WASHC5: variants seen among roughly 807,000 people sequenced by gnomAD.
WASHC5 encodes the protein WASH complex subunit strumpellin.
In WASHC5, 101 loss-of-function variants were observed where a neutral mutation model predicts 150.4. The observed-to-expected ratio is 0.67, with a 90% CI of 0.57 to 0.79. The LOEUF (loss-of-function observed/expected upper bound fraction) is 0.79, where lower values mean the gene tolerates loss of function less well. WASHC5 is among the 30% of genes least tolerant of loss of function. WASHC5 has a pLI of 0.00. For missense variants in WASHC5, 1,195 were observed against 1,396.3 expected, an observed-to-expected ratio of 0.86 and a Z score of 2.30; for synonymous variants, 467 against 491.2, an observed-to-expected ratio of 0.95 and a Z score of 0.65.
intron 12 of WASHC5, among the ~76,000 whole-genome samples, 197 bp downstream of exon 12, chr8:125,060,885 T>A (rs1199128863): frequency 6.6e-6 from 1 of 152,226 alleles, no homozygotes; most frequent in Non-Finnish European, 1.5e-5. Flanking sequence ...TCGTAATTTT[T>A]GCTACCATTC....
chr8:125,041,798 A>AT (rs1815897944), intron 23 of WASHC5, among the ~76,000 whole-genome samples: 1 of 152,222 alleles, frequency 6.6e-6, no homozygotes, highest in Non-Finnish European at 1.5e-5. Context: ...AAAAACGTCA[A>AT]TCCAAAAATG....
intron 26 of WASHC5, among the ~76,000 whole-genome samples, chr8:125,035,323 T>A (rs1478060464): frequency 6.6e-6 from 1 of 152,124 alleles, no homozygotes; most frequent in Non-Finnish European, 1.5e-5. Flanking sequence ...TGCCAGGCCC[T>A]AATCATATAC....
chr8:125,073,285 G>A lies in WASHC5; in HGVS notation c.1018C>T (p.Gln340Ter), dbSNP rs1554596260. ...CCTTCTTTTAGAAATTGCTGCACTT[G>A]AGCATGCACTCTTTCACTGACAGTA... Reference protein sequence around the residue: ...YATVSERVHAQVQQFLKEGYL... With the variant: ...YATVSERVHA The change falls in exon 9 of 29, where the codon CAA becomes TAA. Residue 340 changes from glutamine to a stop codon, truncating the protein, a stop_gained. Transcript: ENST00000318410. LOFTEE classifies it high-confidence loss of function. 2 of 1,614,002 alleles carry A rather than the reference G, an allele frequency of 1.2e-6. No homozygotes were observed. Among genetic ancestry groups the A allele is most frequent in the Non-Finnish European group, 1.7e-6 (2 of 1,179,910 alleles).
chr8:125,044,084 C>T lies in WASHC5; in HGVS notation c.2678G>A (p.Ser893Asn). 6.2e-7 allele frequency: 1 copy of T among 1,608,854 alleles called. No individual in the cohort carries two copies. The highest frequency in any genetic ancestry group is 8.5e-7 in the Non-Finnish European group (1 of 1,175,352). ...MIVKELQNFL[S>N]MFQKIILRDR... ...TCTCAGGATAATTTTCTGAAACATA[C>T]TGAGGAAATTCTAAAAACAAGAAGG... is the stretch of plus-strand genomic sequence containing the variant. Residue 893 changes from serine (S) to asparagine (N), a missense_variant, in exon 22 of 29, where the codon AGT (serine) becomes AAT (asparagine). Around this residue, in one of 3 missense-constraint regions of WASHC5, gnomAD observed 997 missense variants for 1,168.1 expected, o/e 0.85. Transcript: ENST00000318410.
At chr8:125,083,058 T>C in intron 3 of WASHC5, 55 bp downstream of exon 3, 2 of 1,186,266 alleles carry the variant, frequency 1.7e-6, no homozygotes, top group Non-Finnish European at 2.5e-6. Flanking sequence ...CTATGTGTCC[T>C]TTTCCCTCTC....
In WASHC5 at chr8:125,059,491, C is replaced by A; in HGVS notation, c.1573G>T (p.Ala525Ser). ...ESNLQVCQFL[A>S]DTRKFLHQMI... ...TGATGAAGAAACTTTCGAGTATCGG[C>A]AAGAAACTGACATACTTGCAGATTG... Residue 525 changes from alanine (A) to serine (S), a missense_variant, in exon 13 of 29, where the codon GCC becomes TCC. By Grantham distance (99) the Ala-to-Ser change is moderately conservative (BLOSUM62 1). Coordinates refer to ENST00000318410, the MANE Select transcript of WASHC5 (RefSeq NM_014846.4). The A allele has an allele frequency of 6.2e-7, 1 of 1,613,838 alleles. No individual in the cohort carries two copies. Among genetic ancestry groups the A allele is most frequent in the African/African-American group, 1.3e-5 (1 of 75,006 alleles).
At chr8:125,030,637 T>TAAAAAAAAAA (rs71295816) in intron 27 of WASHC5, among the ~76,000 whole-genome samples, 1 of 52,788 alleles carries the variant, frequency 1.9e-5, no homozygotes, top group Non-Finnish European at 3.6e-5. Flanking sequence ...CTCTTTCTCA[T>TAAAAAAAAAA]AAAAAAAAAA....
At chr8:125,087,183 T>C (rs1817444492) in intron 1 of WASHC5, among the ~76,000 whole-genome samples, 1 of 152,240 alleles carries the variant, frequency 6.6e-6, no homozygotes. Flanking sequence ...GTTATTGTGA[T>C]ATTTCATTTT....
chr8:125,045,542 T>TC (rs1469874528), intron 20 of WASHC5, among the ~76,000 whole-genome samples: 1 of 152,188 alleles, frequency 6.6e-6, no homozygotes, highest in African/African-American at 2.4e-5. Context: ...ATTTAATAGT[T>TC]CTGGGGGAGA....
intron 2 of WASHC5, among the ~76,000 whole-genome samples, 185 bp from the exon 3 acceptor site, chr8:125,083,443 T>C (rs1349876806): frequency 1.3e-5 from 2 of 152,182 alleles, no homozygotes; most frequent in African/African-American, 4.8e-5. Flanking sequence ...TGAATTTGAA[T>C]TGGACCCAAG....
intron 20 of WASHC5, chr8:125,045,130 T>C (rs1816024029): frequency 4.8e-6 from 1 of 207,438 alleles, no homozygotes; most frequent in South Asian, 8.6e-5. Flanking sequence ...AATCTCCATA[T>C]GCTACCTAAC....
chr8:125,059,547 G>A lies in WASHC5; in HGVS notation c.1522-5C>T. The A allele has an allele frequency of 6.2e-7, 1 of 1,611,246 alleles. No individual in the cohort carries two copies. Among genetic ancestry groups the A allele is most frequent in the Non-Finnish European group, 8.5e-7 (1 of 1,177,892 alleles). ...CAACTGGTGGAATTCTTGAACCTGT[G>A]TTACAGAAATATACTTAATTTAAAA... On this transcript the variant is annotated splice_polypyrimidine_tract_variant and splice_region_variant and intron_variant, in intron 12 of 28. Transcript: ENST00000318410.
intron 28 of WASHC5, among the ~76,000 whole-genome samples, chr8:125,028,099 T>C (rs1415170632): frequency 1.3e-5 from 2 of 152,236 alleles, no homozygotes; most frequent in Non-Finnish European, 2.9e-5. Context: ...TTTTTCAGTA[T>C]CAAGCTCTCC....
chr8:125,090,150 T>TA (rs1817559270), intron 1 of WASHC5, among the ~76,000 whole-genome samples: 1 of 152,226 alleles, frequency 6.6e-6, no homozygotes, highest in South Asian at 2.1e-4. Flanking sequence ...GTACTAGACC[T>TA]CCTAACCCGG....
chr8:125,027,431 C>T (rs112414531), intron 28 of WASHC5, among the ~76,000 whole-genome samples: 199 of 152,274 alleles, frequency 1.3e-3, no homozygotes, highest in African/African-American at 4.3e-3. Flanking sequence ...TGGAATGCTA[C>T]GCAGCCATAA....
In WASHC5 at chr8:125,044,210, C is replaced by CTTT. The variant is rs1479328152; in HGVS notation, c.2668-117_2668-116insAAA. Reference sequence around the variant, plus strand: ...GCTGGGCCTAAGTCACACAAAACCTCTAAACAGGATGACAGCAAAAAGAAG... The same window carrying CTTT: ...GCTGGGCCTAAGTCACACAAAACCTCTTTTAAACAGGATGACAGCAAAAAGAAG... On this transcript the variant is annotated intron_variant, in intron 21 of 28. Transcript: ENST00000318410. The CTTT allele has an allele frequency of 3.0e-5, 23 of 774,842 alleles. No individual in the cohort carries two copies. In the African/African-American group the frequency reaches 3.1e-4, roughly 10 times the overall value. The allele number at this position is 774,842 out of a possible 1,614,324, so 48.0% of individuals were successfully genotyped here. A position where few individuals can be genotyped will look rare whatever the true frequency, so the allele number is the denominator to read the frequency against.
At chr8:125,032,698 T>C (rs1007651596) in intron 26 of WASHC5, 1 of 384,124 alleles carries the variant, frequency 2.6e-6, no homozygotes, top group Non-Finnish European at 4.9e-6. Context: ...TACAGATAAA[T>C]GTAAATGAGA....
At position 125,032,262 on chromosome 8, in the gene WASHC5, G is replaced by A. The variant is rs756741731; in HGVS notation, c.3314C>T (p.Ser1105Phe). 1 of 1,614,136 alleles carries A rather than the reference G, an allele frequency of 6.2e-7. No homozygotes were observed. Among genetic ancestry groups the A allele is most frequent in the South Asian group, 1.1e-5 (1 of 91,076 alleles). Residue 1105 changes from serine to phenylalanine, a missense_variant, in exon 27 of 29, where the codon TCC (serine) becomes TTC (phenylalanine). Ser to Phe is a radical substitution (Grantham distance 155, BLOSUM62 -2). Coordinates refer to ENST00000318410, the MANE Select transcript of WASHC5 (RefSeq NM_014846.4). ...FLALIGQFICSTVEQCTSQKI... is the reference protein window; with the variant it reads ...FLALIGQFICFTVEQCTSQKI... ...GTACCTTGTACACTGCTCCACCGTGGAGCAGATAAACTGGCCAATCAGCGC... is the reference window on the plus strand; with the variant it reads ...GTACCTTGTACACTGCTCCACCGTGAAGCAGATAAACTGGCCAATCAGCGC...
chr8:125,083,290 T>C (rs1817325958), intron 2 of WASHC5, 32 bp from the exon 3 acceptor site: 1 of 1,601,264 alleles, frequency 6.2e-7, no homozygotes, highest in African/African-American at 1.3e-5. Flanking sequence ...GAAATGTCAA[T>C]AAAAGCATAC....
Sources: gnomAD v4.1 joint callset for allele counts (sites outside exome capture counted in the v4.1 genomes callset) on GRCh38, gnomAD v4.1.1 for gene constraint, gnomAD v4.1.1 regional missense constraint, MANE v1.5 for transcripts, NCBI Gene and HGNC (gene_info 2026-07-23, HGNC 2026-07-21) for gene names.